BAG2: variants seen among roughly 807,000 people sequenced by gnomAD.
BAG2 encodes the protein BAG family molecular chaperone regulator 2.
Under a neutral mutation model 16.4 loss-of-function variants are expected in BAG2, and 8 were observed. The observed-to-expected ratio is 0.49, with a 90% CI of 0.29 to 0.88. The LOEUF (loss-of-function observed/expected upper bound fraction) is 0.88. Among genes scored for constraint, BAG2 ranks in the 40% least tolerant of loss-of-function variants. The pLI is 0.09. For missense variants in BAG2, 218 were observed against 248.9 expected (o/e 0.88, Z 0.84); for synonymous variants, 82 against 89.2 (o/e 0.92, Z 0.46).
At chr6:57,175,068 A>T (rs1412353469) in intron 1 of BAG2, among the ~76,000 whole-genome samples, 1 of 152,220 alleles carries the variant, frequency 6.6e-6, no homozygotes, top group Non-Finnish European at 1.5e-5. Flanking sequence ...TTATCAATAC[A>T]GTAGCCCTTT....
Position 57,187,624 on chromosome 6 carries a change from A to ATCT in BAG2, c.*3436_*3438dup, listed in dbSNP as rs1168287216. 6.6e-6 allele frequency: 1 copy of ATCT among 152,232 alleles called. No individual in the cohort carries two copies. The highest frequency in any genetic ancestry group is 1.5e-5 in the Non-Finnish European group (1 of 68,036). 9.4% of individuals were successfully genotyped at this position (152,232 alleles called of 1,614,324 possible). ...GAAAAGTATGCTAATAATTAACAAT[A>ATCT]TCTTATATTAAAAGGGTCCAACACT... is the stretch of plus-strand genomic sequence containing the variant. On this transcript the variant is annotated 3_prime_UTR_variant, in exon 3 of 3. Transcript: ENST00000370693.
intron 1 of BAG2, among the ~76,000 whole-genome samples, chr6:57,181,518 C>A (rs1211832218): frequency 6.6e-6 from 1 of 151,756 alleles, no homozygotes; most frequent in Non-Finnish European, 1.5e-5. Flanking sequence ...ATGGTGAAAC[C>A]CCAGGAGTTT....
intron 1 of BAG2, 30 bp from the exon 2 acceptor site, chr6:57,182,002 A>G (rs1388099500): frequency 3.8e-6 from 6 of 1,589,310 alleles, no homozygotes; most frequent in South Asian, 1.1e-5. Flanking sequence ...CCTGCATACA[A>G]TAACCGTTTT....
intron 1 of BAG2, chr6:57,173,487 A>G (rs1485342862): frequency 1.0e-6 from 1 of 985,186 alleles, no homozygotes; most frequent in Non-Finnish European, 1.2e-6. Flanking sequence ...CTCCCTACAT[A>G]GAAGACTAAG....
chr6:57,177,276 C>T lies in BAG2; in HGVS notation c.113+4466C>T, dbSNP rs149121337. On this transcript the variant is annotated intron_variant, in intron 1 of 2. Transcript: ENST00000370693. ...ATAAAAAATTCAAAAGTTAGCCAGA[C>T]GTGGTGGCGCATGTCTGTAGTCCTA... Among the ~76,000 whole-genome samples the T allele has an allele frequency of 1.6e-3, 244 of 152,088 alleles. 1 individual carries two copies. The highest frequency in any genetic ancestry group is 5.6e-3 in the African/African-American group (234 of 41,480).
intron 1 of BAG2, 49 bp from the exon 2 acceptor site, chr6:57,181,983 G>A (rs1186361961): frequency 6.7e-7 from 1 of 1,490,086 alleles, no homozygotes; most frequent in Non-Finnish European, 9.2e-7. Context: ...AAATTAATAG[G>A]AAGAACATCC....
intron 1 of BAG2, among the ~76,000 whole-genome samples, chr6:57,179,017 G>A (rs761217188): frequency 6.6e-5 from 10 of 152,060 alleles, no homozygotes; most frequent in Admixed American, 4.6e-4. Context: ...AATACAAACC[G>A]AAAAGGTGTT....
chr6:57,176,932 A>G (rs576088030), intron 1 of BAG2, among the ~76,000 whole-genome samples: 6 of 152,108 alleles, frequency 3.9e-5, no homozygotes, highest in Non-Finnish European at 8.8e-5. Flanking sequence ...AGGACATGCT[A>G]CTGAAAAGTG....
intron 1 of BAG2, among the ~76,000 whole-genome samples, chr6:57,178,198 C>CAG (rs1395718923): frequency 2.0e-5 from 3 of 152,116 alleles, no homozygotes; most frequent in African/African-American, 7.2e-5. Context: ...TTTCTCTAAC[C>CAG]AGAGTTCCAG....
rs1298793135 is a variant in BAG2, at chr6:57,187,152, T to C, written c.*2962T>C. 7 of 152,326 alleles carry C rather than the reference T, an allele frequency of 4.6e-5. No homozygotes were observed. The highest frequency in any genetic ancestry group is 7.2e-5 in the African/African-American group (3 of 41,572). 9.4% of individuals were successfully genotyped at this position (152,326 alleles called of 1,614,324 possible). A position where few individuals can be genotyped will look rare whatever the true frequency, so the allele number is the denominator to read the frequency against. On this transcript the variant is annotated 3_prime_UTR_variant, in exon 3 of 3. Transcript: ENST00000370693. ...AATTTACAAAAGCATTATTTATTAG[T>C]AATAAAAATATAGAAGGAATTCAGT...
rs777651345 is a variant in BAG2 at position 57,187,021 on chromosome 6, AT to A, written c.*2833del. The stretch of plus-strand genomic sequence containing the variant: ...AGCTTTGAAATGCATTTATTTTCTG[AT>A]TATTGGAATTCATCCTTCATGAAAT... On this transcript the variant is annotated 3_prime_UTR_variant, in exon 3 of 3. Transcript: ENST00000370693. 8 of 152,180 alleles carry A rather than the reference AT, an allele frequency of 5.3e-5. No homozygotes were observed. Among genetic ancestry groups the A allele is most frequent in the Non-Finnish European group, 1.2e-4 (8 of 68,016 alleles). The allele number at this position is 152,180 out of a possible 1,614,324, so 9.4% of individuals were successfully genotyped here.
intron 2 of BAG2, among the ~76,000 whole-genome samples, chr6:57,183,317 T>G (rs1187078042): frequency 6.6e-6 from 1 of 152,208 alleles, no homozygotes; most frequent in Non-Finnish European, 1.5e-5. Context: ...CAGTGCCTAG[T>G]ATTGACGACA....
Position 57,172,440 on chromosome 6 carries a change from G to A in BAG2, c.-258G>A. The A allele has an allele frequency of 3.4e-6, 1 of 292,660 alleles. No individual in the cohort carries two copies. The highest frequency in any genetic ancestry group is 9.8e-4 in the Middle Eastern group (1 of 1,020). 18.1% of individuals were successfully genotyped at this position (292,660 alleles called of 1,614,324 possible). The stretch of plus-strand genomic sequence containing the variant: ...GTCGGCCCATCCTCGAGCCCGTGTG[G>A]CTCGCGAACCTCTAACTCCAGCCGC... On this transcript the variant is annotated 5_prime_UTR_variant, in exon 1 of 3. Coordinates refer to ENST00000370693, the MANE Select transcript of BAG2 (RefSeq NM_004282.4).
At chr6:57,181,992 C>G (rs758241444) in intron 1 of BAG2, 40 bp from the exon 2 acceptor site, 189 of 1,542,316 alleles carry the variant, frequency 1.2e-4, no homozygotes, top group Middle Eastern at 1.7e-4. Context: ...GGAAGAACAT[C>G]CTGCATACAA....
At chr6:57,173,550 TAAG>T (rs1204828212) in intron 1 of BAG2, 12 of 942,030 alleles carry the variant, frequency 1.3e-5, no homozygotes, top group Non-Finnish European at 1.5e-5. Flanking sequence ...TTTTCTTGCT[TAAG>T]AATTTATTTG....
At position 57,179,514 on chromosome 6, in the gene BAG2, G is replaced by A. The variant is rs374774532; in HGVS notation, c.114-2518G>A. On this transcript the variant is annotated intron_variant, in intron 1 of 2. Transcript: ENST00000370693. ...AGAGGATCCTTTTATGGAATTGAAC[G>A]TGCTAAAACATTGGTGAAGTTGTTC... 9.5e-4 allele frequency among the ~76,000 whole-genome samples: 144 copies of A among 152,234 alleles called. 5 individuals are homozygous for A. The South Asian group carries it at 0.027, about 29-fold the overall frequency.
At position 57,185,499 on chromosome 6, in the gene BAG2, G is replaced by GC. The variant is rs1764594834; in HGVS notation, c.*1310dup. 1 of 152,310 alleles carries GC rather than the reference G, an allele frequency of 6.6e-6. No homozygotes were observed. The highest frequency in any genetic ancestry group is 2.1e-4 in the South Asian group (1 of 4,828). 9.4% of individuals were successfully genotyped at this position (152,310 alleles called of 1,614,324 possible). A position where few individuals can be genotyped will look rare whatever the true frequency, so the allele number is the denominator to read the frequency against. On this transcript the variant is annotated 3_prime_UTR_variant, in exon 3 of 3. Coordinates refer to ENST00000370693, the MANE Select transcript of BAG2 (RefSeq NM_004282.4). ...TGTATGTATATATCTCTCAATGCAAGCAATATCAAACTTCATTTTCTCTAC... is the reference window on the plus strand; with the variant it reads ...TGTATGTATATATCTCTCAATGCAAGCCAATATCAAACTTCATTTTCTCTAC...
At position 57,183,826 on chromosome 6, in the gene BAG2, C is replaced by A; in HGVS notation, c.272C>A (p.Thr91Asn). The A allele has an allele frequency of 1.9e-6, 3 of 1,610,144 alleles. No homozygotes were observed. The highest frequency in any genetic ancestry group is 2.5e-6 in the Non-Finnish European group (3 of 1,178,666). The change falls in exon 3 of 3, where the codon ACT becomes AAT. Residue 91 changes from threonine (T) to asparagine (N), a missense_variant. Thr to Asn is a moderately conservative substitution (Grantham distance 65). Around this residue, in one of 3 missense-constraint regions of BAG2, gnomAD observed 30 missense variants for 57.8 expected, o/e 0.52. Transcript: ENST00000370693. ...NLTANRLMGR[T>N]LTVEVSVETI... is the part of the protein sequence containing the mutation. Reference sequence around the variant, plus strand: ...ACTGCAAACCGTTTGATGGGAAGAACTCTCACCGTTGAAGTGTCAGTAGAA... The same window carrying A: ...ACTGCAAACCGTTTGATGGGAAGAAATCTCACCGTTGAAGTGTCAGTAGAA...
At chr6:57,177,142 G>A (rs1233533541) in intron 1 of BAG2, among the ~76,000 whole-genome samples, 10 of 152,168 alleles carry the variant, frequency 6.6e-5, no homozygotes, top group Admixed American at 1.3e-4. Context: ...TAGGCCAGGC[G>A]TGGTGGCTCA....
Sources: allele counts gnomAD v4.1 joint callset (sites outside exome capture counted in the v4.1 genomes callset), GRCh38; gene constraint gnomAD v4.1.1; regional missense constraint gnomAD v4.1.1; transcripts MANE v1.5; gene names NCBI Gene and HGNC (gene_info 2026-07-23, HGNC 2026-07-21).